Variants in KNDC1 observed in about 807,000 individuals in gnomAD.
The protein encoded by KNDC1 is kinase non-catalytic C-lobe domain containing 1, also known as kinase non-catalytic C-lobe domain-containing protein 1.
Under a neutral mutation model 172.8 loss-of-function variants are expected in KNDC1, and 106 were observed. That is an observed-to-expected ratio of 0.61 (90% CI 0.52 to 0.72). KNDC1 has a LOEUF of 0.72. KNDC1 is among the 30% of genes least tolerant of loss of function. The pLI is 0.00. For synonymous variants in KNDC1, 1,083 were observed against 1,062.2 expected (o/e 1.02, Z -0.38); for missense variants, 2,325 against 2,394.5 (o/e 0.97, Z 0.61).
At chr10:133,166,478 G>T (rs1453979473) in intron 1 of KNDC1, among the ~76,000 whole-genome samples, 9 of 152,174 alleles carry the variant, frequency 5.9e-5, no homozygotes, top group Non-Finnish European at 1.2e-4. Context: ...CGTGCATATG[G>T]TCAGTGTTAG....
chr10:133,222,164 T>C (rs1321313834), intron 29 of KNDC1, among the ~76,000 whole-genome samples: 1 of 149,266 alleles, frequency 6.7e-6, no homozygotes, highest in Non-Finnish European at 1.5e-5. Context: ...GCGCCTGTAG[T>C]CCCAGCTACT....
rs778353616 is a variant in KNDC1 at position 133,218,842 on chromosome 10, C to T, written c.4689C>T (p.Asn1563=). The change falls in exon 27 of 30, where the codon AAC becomes AAT. Residue 1563 remains asparagine (N), a synonymous_variant. Coordinates refer to ENST00000304613, the MANE Select transcript of KNDC1 (RefSeq NM_152643.8). ...TTTTCTTATTGCAGCTGCAGGTGAACTTGCTGTCCAAATTTTTGCTGATTG... is the reference window on the plus strand; with the variant it reads ...TTTTCTTATTGCAGCTGCAGGTGAATTTGCTGTCCAAATTTTTGCTGATTG... The part of the protein sequence containing the change: ...VTSHTSKLQV[N]LLSKFLLIAK... 6 of 1,611,332 alleles carry T rather than the reference C, an allele frequency of 3.7e-6. No individual in the cohort carries two copies. The East Asian group carries it at 6.7e-5, about 18-fold the overall frequency.
At chr10:133,162,146 C>T (rs1189154374) in intron 1 of KNDC1, among the ~76,000 whole-genome samples, 1 of 152,232 alleles carries the variant, frequency 6.6e-6, no homozygotes. Context: ...CAGGTGGGCC[C>T]TTCGCAGACA....
chr10:133,223,683 A>C (rs77474994), intron 29 of KNDC1, among the ~76,000 whole-genome samples: 1 of 19,168 alleles, frequency 5.2e-5, no homozygotes, highest in Non-Finnish European at 9.6e-5. Context: ...TCTTCCCGGC[A>C]TGTGTGTGTG....
intron 26 of KNDC1, among the ~76,000 whole-genome samples, chr10:133,215,668 G>A (rs1344791503): frequency 6.6e-6 from 1 of 152,378 alleles, no homozygotes; most frequent in Non-Finnish European, 1.5e-5. Flanking sequence ...ACATCGTCCT[G>A]GGCGCACCCT....
At chr10:133,178,730 C>T (rs557854385) in intron 3 of KNDC1, 2 of 152,324 alleles carry the variant, frequency 1.3e-5, no homozygotes, top group Non-Finnish European at 2.9e-5. Context: ...TGTTGAAAAC[C>T]TGGTGGTTTG....
At chr10:133,203,092 CA>C (rs1854422025) in intron 17 of KNDC1, among the ~76,000 whole-genome samples, 1 of 136,034 alleles carries the variant, frequency 7.4e-6, no homozygotes, top group Non-Finnish European at 1.6e-5. Flanking sequence ...GGGAGCACTC[CA>C]CCCCCAAACG....
In KNDC1 at chr10:133,225,365, G is replaced by A. The variant is rs1845699088; in HGVS notation, c.*475G>A. ...CAACGAAGGGCCAAAGCTGACCTCT[G>A]AGTGGCCAACTGCAGCTCCCAGGGA... On this transcript the variant is annotated 3_prime_UTR_variant, in exon 30 of 30. Coordinates refer to ENST00000304613, the MANE Select transcript of KNDC1 (RefSeq NM_152643.8). 5.5e-6 allele frequency: 1 copy of A among 180,390 alleles called. No individual in the cohort carries two copies. Among genetic ancestry groups the A allele is most frequent in the Non-Finnish European group, 1.2e-5 (1 of 86,022 alleles). 11.2% of individuals were successfully genotyped at this position (180,390 alleles called of 1,614,324 possible).
intron 26 of KNDC1, among the ~76,000 whole-genome samples, chr10:133,214,735 G>A (rs1282826264): frequency 6.6e-6 from 1 of 152,248 alleles, no homozygotes; most frequent in Admixed American, 6.5e-5. Context: ...TCAAGGTCAA[G>A]CTCCAGCGCC....
intron 6 of KNDC1, among the ~76,000 whole-genome samples, chr10:133,187,332 C>G (rs1276592855): frequency 1.3e-5 from 2 of 152,242 alleles, no homozygotes; most frequent in Admixed American, 1.3e-4. Context: ...TCCGTCGGCC[C>G]CTCTGTCCAG....
At chr10:133,208,096 C>T (rs1564896424) in intron 20 of KNDC1, among the ~76,000 whole-genome samples, 1 of 152,164 alleles carries the variant, frequency 6.6e-6, no homozygotes. Flanking sequence ...CTTGGAGCCC[C>T]AAGGGTCCTC....
chr10:133,167,312 G>A (rs1040073305), intron 1 of KNDC1, 69 bp from the exon 2 acceptor site: 97 of 1,447,880 alleles, frequency 6.7e-5, no homozygotes, highest in South Asian at 1.8e-4. Context: ...CCAGGGAATC[G>A]TCTCGGTGGG....
At chr10:133,174,817 G>A (rs11101610) in intron 3 of KNDC1, among the ~76,000 whole-genome samples, 62,183 of 150,942 alleles carry the variant, frequency 0.41, 14,569 homozygotes, top group South Asian at 0.66. Flanking sequence ...GTGGATGGTG[G>A]ATATGTGGAT....
At chr10:133,161,737 G>C (rs948300855) in intron 1 of KNDC1, among the ~76,000 whole-genome samples, 3 of 152,110 alleles carry the variant, frequency 2.0e-5, no homozygotes, top group Non-Finnish European at 4.4e-5. Context: ...GGCTCTGACC[G>C]AGAGGGAGGG....
intron 17 of KNDC1, among the ~76,000 whole-genome samples, chr10:133,203,611 C>T (rs1015538071): frequency 2.6e-5 from 4 of 152,204 alleles, no homozygotes; most frequent in African/African-American, 9.7e-5. Flanking sequence ...CTCAGCACTG[C>T]GGGTGCCCTG....
At chr10:133,194,928 C>T (rs1854147336) in intron 9 of KNDC1, among the ~76,000 whole-genome samples, 1 of 152,240 alleles carries the variant, frequency 6.6e-6, no homozygotes, top group Admixed American at 6.5e-5. Context: ...CCATCTGATT[C>T]AGCAAAGACG....
intron 17 of KNDC1, among the ~76,000 whole-genome samples, chr10:133,203,095 CCCCAAA>C: frequency 1.1e-5 from 1 of 88,712 alleles, no homozygotes; most frequent in Non-Finnish European, 3.0e-5. Context: ...AGCACTCCAC[CCCCAAA>C]CGCACGGCGT....
At chr10:133,210,954 G>A (rs1407487278) in intron 21 of KNDC1, among the ~76,000 whole-genome samples, 2 of 152,190 alleles carry the variant, frequency 1.3e-5, no homozygotes. Context: ...GGAGCTCTGG[G>A]AGGGGACCTG....
intron 17 of KNDC1, among the ~76,000 whole-genome samples, chr10:133,202,994 CTCACGGCGTCCAGCCGGGA>C (rs1854417344): frequency 1.3e-5 from 2 of 152,090 alleles, no homozygotes; most frequent in African/African-American, 4.8e-5. Context: ...AGCCCCCAAA[CTCACGGCGTCCAGCCGGGA>C]GCACTCCGCC....
Sources: allele counts gnomAD v4.1 joint callset (sites outside exome capture counted in the v4.1 genomes callset), GRCh38; gene constraint gnomAD v4.1.1; transcripts MANE v1.5; gene names NCBI Gene and HGNC (gene_info 2026-07-23, HGNC 2026-07-21).